Variants in XYLT1 observed in about 807,000 individuals in gnomAD.
The protein encoded by XYLT1 is xylosyltransferase 1.
Under a neutral mutation model 91.3 loss-of-function variants are expected in XYLT1, and 36 were observed. The ratio of observed to expected loss-of-function variants is 0.39; its 90% CI spans 0.30 to 0.52. The LOEUF (loss-of-function observed/expected upper bound fraction) is 0.52. Among genes scored for constraint, XYLT1 ranks in the 20% least tolerant of loss-of-function variants. The pLI, the probability that XYLT1 is intolerant of heterozygous loss-of-function variation, is 0.68. For synonymous variants in XYLT1, 588 were observed against 532.0 expected, an observed-to-expected ratio of 1.11 and a Z score of -1.45; for missense variants, 1,242 against 1,284.5, an observed-to-expected ratio of 0.97 and a Z score of 0.51.
chr16:17,140,702 G>T (rs554329536), intron 7 of XYLT1, among the ~76,000 whole-genome samples: 7 of 146,864 alleles, frequency 4.8e-5, no homozygotes, highest in African/African-American at 1.8e-4. Flanking sequence ...GTTGATGTGG[G>T]TGTGTCCTGA....
At chr16:17,206,190 TG>T (rs2032640014) in intron 3 of XYLT1, among the ~76,000 whole-genome samples, 1 of 152,072 alleles carries the variant, frequency 6.6e-6, no homozygotes, top group Non-Finnish European at 1.5e-5. Context: ...TGATCACAGA[TG>T]AGGAAAAGTT....
intron 2 of XYLT1, among the ~76,000 whole-genome samples, chr16:17,319,567 C>T (rs571539696): frequency 2.5e-4 from 38 of 152,188 alleles, no homozygotes; most frequent in African/African-American, 8.9e-4. Context: ...CTCAGCCTCC[C>T]AAATAGGTAG....
At chr16:17,232,945 G>A (rs1287449506) in intron 3 of XYLT1, among the ~76,000 whole-genome samples, 1 of 151,970 alleles carries the variant, frequency 6.6e-6, no homozygotes, top group African/African-American at 2.4e-5. Flanking sequence ...CCCCCTTTGG[G>A]CATAATTCTT....
At chr16:17,377,601 G>A (rs2035619410) in intron 1 of XYLT1, among the ~76,000 whole-genome samples, 1 of 151,582 alleles carries the variant, frequency 6.6e-6, no homozygotes, top group Non-Finnish European at 1.5e-5. Context: ...GGACGACCCT[G>A]CCTTCCATGG....
intron 6 of XYLT1, among the ~76,000 whole-genome samples, chr16:17,155,982 A>ACT (rs2031397668): frequency 1.3e-5 from 2 of 152,242 alleles, no homozygotes; most frequent in Non-Finnish European, 2.9e-5. Context: ...GCTTATCATA[A>ACT]CAATGACATA....
chr16:17,427,569 C>G (rs562029568), intron 1 of XYLT1, among the ~76,000 whole-genome samples: 19 of 152,320 alleles, frequency 1.2e-4, no homozygotes, highest in African/African-American at 4.6e-4. Context: ...CAGGCGTGAA[C>G]CATCACTCCC....
chr16:17,225,303 C>CT (rs1455175242), intron 3 of XYLT1, among the ~76,000 whole-genome samples: 1 of 152,078 alleles, frequency 6.6e-6, no homozygotes, highest in Non-Finnish European at 1.5e-5. Flanking sequence ...TTTCCTCCTC[C>CT]TTTTTAGGAC....
rs189400939 is a variant in XYLT1 at position 17,352,811 on chromosome 16, C to G, written c.402+5201G>C. Among the ~76,000 whole-genome samples the G allele has an allele frequency of 1.6e-3, 245 of 152,308 alleles. 2 individuals carry two copies. Among genetic ancestry groups the G allele is most frequent in the South Asian group, 2.9e-3 (14 of 4,832 alleles). On this transcript the variant is annotated intron_variant, in intron 2 of 11. Coordinates refer to ENST00000261381, the MANE Select transcript of XYLT1 (RefSeq NM_022166.4). The stretch of plus-strand genomic sequence containing the variant: ...ATCTATTTGTACCTTTTTCATCTGA[C>G]TCTCCTAGAATGGATGCTTTCTAGG...
At chr16:17,126,777 G>C (rs2141494956) in intron 10 of XYLT1, among the ~76,000 whole-genome samples, 1 of 152,280 alleles carries the variant, frequency 6.6e-6, no homozygotes, top group Non-Finnish European at 1.5e-5. Context: ...CACCAGGCTT[G>C]ATCATGCTTC....
chr16:17,193,737 A>G (rs1283955970), intron 5 of XYLT1: 3 of 152,276 alleles, frequency 2.0e-5, no homozygotes, highest in African/African-American at 7.2e-5. Context: ...TTTGGAAGCT[A>G]CAGATGGGGC....
At position 17,127,809 on chromosome 16, in the gene XYLT1, G is replaced by T. The variant is rs770765433; in HGVS notation, c.2080C>A (p.Arg694Ser). The change falls in exon 10 of 12, where the codon CGC becomes AGC. Residue 694 changes from arginine to serine, a missense_variant. Physicochemically the swap from Arg to Ser is moderately radical, Grantham distance 110. This residue lies in a region of XYLT1 where 511 missense variants were observed against 497.0 expected (regional missense o/e 1.03). Coordinates refer to ENST00000261381, the MANE Select transcript of XYLT1 (RefSeq NM_022166.4). The part of the protein sequence containing the change: ...ASVHLYFLAD[R>S]FQGFLIKHHA... The stretch of plus-strand genomic sequence containing the variant: ...TGCTTGATCAGAAAGCCCTGGAAGC[G>T]GTCAGCAAGGAAGTAGAGGTGCACA... 6.2e-7 allele frequency: 1 copy of T among 1,613,946 alleles called. No homozygotes were observed.
intron 2 of XYLT1, among the ~76,000 whole-genome samples, chr16:17,277,471 C>A (rs536540720): frequency 2.0e-5 from 3 of 152,190 alleles, no homozygotes; most frequent in African/African-American, 7.2e-5. Context: ...ATCACTGCAA[C>A]CTCTGCCTCC....
At chr16:17,165,079 C>T (rs1188194543) in intron 5 of XYLT1, among the ~76,000 whole-genome samples, 1 of 152,150 alleles carries the variant, frequency 6.6e-6, no homozygotes, top group African/African-American at 2.4e-5. Flanking sequence ...CCTATTGTAA[C>T]CTTTTCCTAT....
At chr16:17,300,948 G>C (rs1434459877) in intron 2 of XYLT1, among the ~76,000 whole-genome samples, 1 of 152,102 alleles carries the variant, frequency 6.6e-6, no homozygotes, top group Non-Finnish European at 1.5e-5. Context: ...CTCATTAGCT[G>C]TGCAACTCTG....
chr16:17,190,615 G>C (rs1024358407), intron 5 of XYLT1, among the ~76,000 whole-genome samples: 2 of 152,040 alleles, frequency 1.3e-5, no homozygotes, highest in Non-Finnish European at 1.5e-5. Context: ...CCCTACAAAG[G>C]ACATGAACTC....
chr16:17,252,395 A>G (rs2033555703), intron 3 of XYLT1, among the ~76,000 whole-genome samples: 1 of 152,008 alleles, frequency 6.6e-6, no homozygotes, highest in South Asian at 2.1e-4. Flanking sequence ...CTGAAACACT[A>G]GGGGTTCCAG....
At chr16:17,165,372 G>A (rs1359992418) in intron 5 of XYLT1, among the ~76,000 whole-genome samples, 1 of 152,070 alleles carries the variant, frequency 6.6e-6, no homozygotes, top group South Asian at 2.1e-4. Context: ...TCCTTTTAAC[G>A]GTTGCACAGG....
chr16:17,183,068 C>T (rs2032106003), intron 5 of XYLT1, among the ~76,000 whole-genome samples: 1 of 152,188 alleles, frequency 6.6e-6, no homozygotes, highest in Admixed American at 6.5e-5. Context: ...ACTTACACAA[C>T]ACACTGCATA....
chr16:17,241,923 A>G (rs936356), intron 3 of XYLT1, among the ~76,000 whole-genome samples: 18,144 of 152,274 alleles, frequency 0.12, 1,420 homozygotes, highest in Admixed American at 0.23. Flanking sequence ...ATGGACTCAC[A>G]GTTCCATGTG....
Sources: gnomAD v4.1 joint callset for allele counts (sites outside exome capture counted in the v4.1 genomes callset) on GRCh38, gnomAD v4.1.1 for gene constraint, gnomAD v4.1.1 regional missense constraint, MANE v1.5 for transcripts, NCBI Gene and HGNC (gene_info 2026-07-23, HGNC 2026-07-21) for gene names.